The following CNTN3 variants were observed in gnomAD, a reference collection of about 807,000 sequenced individuals.
CNTN3 encodes the protein contactin 3, also known as contactin-3.
Under a neutral mutation model 119.1 loss-of-function variants are expected in CNTN3, and 60 were observed. The ratio of observed to expected loss-of-function variants is 0.50; its 90% CI spans 0.41 to 0.62. The LOEUF is 0.62. Ranked by LOEUF, CNTN3 falls within the 20% of genes least tolerant of loss-of-function variation. The probability of loss-of-function intolerance (pLI) is 0.00; values close to 1 mark genes in which losing one functional copy is unlikely to be tolerated. For synonymous variants in CNTN3, 450 were observed against 438.7 expected, an observed-to-expected ratio of 1.03 and a Z score of -0.32; for missense variants, 1,101 against 1,242.4, an observed-to-expected ratio of 0.89 and a Z score of 1.71.
intron 1 of CNTN3, among the ~76,000 whole-genome samples, chr3:74,568,055 A>G (rs1224021248): frequency 6.6e-6 from 1 of 152,180 alleles, no homozygotes; most frequent in Non-Finnish European, 1.5e-5. Flanking sequence ...ATAGAAAGAA[A>G]TTTCTAAGCA....
intron 5 of CNTN3, among the ~76,000 whole-genome samples, chr3:74,396,746 G>GAAAAAAA (rs61397069): frequency 1.0e-5 from 1 of 98,820 alleles, no homozygotes; most frequent in Admixed American, 1.3e-4. Flanking sequence ...TTCCGCCTCA[G>GAAAAAAA]AAAAAAAAAA....
At chr3:74,539,406 T>C (rs949199210) in intron 1 of CNTN3, among the ~76,000 whole-genome samples, 3 of 152,138 alleles carry the variant, frequency 2.0e-5, no homozygotes, top group Admixed American at 6.6e-5. Context: ...GGAAGTACTA[T>C]GACTATTCCC....
intron 4 of CNTN3, among the ~76,000 whole-genome samples, chr3:74,435,090 T>C (rs1037012339): frequency 2.0e-5 from 3 of 152,218 alleles, no homozygotes; most frequent in Admixed American, 2.0e-4. Context: ...TTTGATCAAG[T>C]TAATTGTTCC....
chr3:74,312,010 G>C (rs183096811), intron 13 of CNTN3, among the ~76,000 whole-genome samples: 1 of 152,246 alleles, frequency 6.6e-6, no homozygotes, highest in Admixed American at 6.5e-5. Flanking sequence ...ATCATAGGGG[G>C]TGCTGCACAC....
At position 74,486,468 on chromosome 3, in the gene CNTN3, G is replaced by C; in HGVS notation, c.346C>G (p.Leu116Val). The C allele has an allele frequency of 6.3e-7, 1 of 1,599,922 alleles. No homozygotes were observed. Among genetic ancestry groups the C allele is most frequent in the South Asian group, 1.1e-5 (1 of 87,638 alleles). ...LGTIVSREAK[L>V]QFAYLENFKT... ...AACATAAACTTACAGGCAAACTGAA[G>C]TTTGGCTTCTCTGCTGACAATTGTT... The change falls in exon 4 of 23, where the codon CTT (leucine) becomes GTT (valine). Residue 116 changes from leucine to valine, a missense_variant. By Grantham distance (32) the Leu-to-Val change is conservative. Coordinates refer to ENST00000263665, the MANE Select transcript of CNTN3 (RefSeq NM_020872.3).
chr3:74,491,683 G>C (rs778632795), intron 3 of CNTN3, among the ~76,000 whole-genome samples: 2 of 152,094 alleles, frequency 1.3e-5, no homozygotes, highest in Non-Finnish European at 2.9e-5. Flanking sequence ...GTAGTAAGCT[G>C]TGACAGGTAA....
chr3:74,560,141 C>T (rs538060894), intron 1 of CNTN3, among the ~76,000 whole-genome samples: 9 of 152,276 alleles, frequency 5.9e-5, no homozygotes, highest in African/African-American at 2.2e-4. Context: ...AGCACACTCA[C>T]TGGCTAGATA....
At chr3:74,489,776 C>T (rs1366372042) in intron 3 of CNTN3, among the ~76,000 whole-genome samples, 1 of 152,134 alleles carries the variant, frequency 6.6e-6, no homozygotes, top group Non-Finnish European at 1.5e-5. Flanking sequence ...TTACCTAACA[C>T]CCCTGAACCT....
At chr3:74,317,867 GA>G (rs1702875422) in intron 13 of CNTN3, among the ~76,000 whole-genome samples, 1 of 152,090 alleles carries the variant, frequency 6.6e-6, no homozygotes, top group African/African-American at 2.4e-5. Flanking sequence ...TGTATTTCCT[GA>G]ATCTGAATGT....
At chr3:74,508,998 T>A (rs1209047880) in intron 2 of CNTN3, among the ~76,000 whole-genome samples, 14 of 152,152 alleles carry the variant, frequency 9.2e-5, no homozygotes, top group Non-Finnish European at 1.5e-4. Context: ...CCTCCTCAAA[T>A]CTACTGAACT....
At chr3:74,467,622 TA>T (rs1702488539) in intron 4 of CNTN3, among the ~76,000 whole-genome samples, 1 of 151,630 alleles carries the variant, frequency 6.6e-6, no homozygotes, top group Admixed American at 6.6e-5. Context: ...ACCACACACA[TA>T]ATAGCGCTTT....
intron 4 of CNTN3, among the ~76,000 whole-genome samples, chr3:74,441,773 C>G (rs1701970252): frequency 6.6e-6 from 1 of 152,084 alleles, no homozygotes; most frequent in Admixed American, 6.6e-5. Flanking sequence ...TGCCAGAAAT[C>G]TCAATACTGG....
chr3:74,423,980 A>C (rs1478831064), intron 5 of CNTN3, among the ~76,000 whole-genome samples: 7 of 152,332 alleles, frequency 4.6e-5, no homozygotes, highest in African/African-American at 1.7e-4. Context: ...TTTTCCTTTG[A>C]ATAAGTTTTA....
chr3:74,337,117 T>C (rs1703414008), intron 11 of CNTN3, among the ~76,000 whole-genome samples: 1 of 152,072 alleles, frequency 6.6e-6, no homozygotes, highest in South Asian at 2.1e-4. Flanking sequence ...TACTATGAAC[T>C]AAGAGAGTCA....
intron 1 of CNTN3, among the ~76,000 whole-genome samples, chr3:74,594,607 C>A (rs1369897121): frequency 1.3e-5 from 2 of 152,092 alleles, no homozygotes; most frequent in Admixed American, 6.6e-5. Context: ...TCATCCATGT[C>A]CCTACAAAGG....
intron 13 of CNTN3, among the ~76,000 whole-genome samples, chr3:74,316,654 C>A (rs886947616): frequency 1.4e-4 from 21 of 151,956 alleles, no homozygotes; most frequent in Non-Finnish European, 2.8e-4. Context: ...ACTCTGCAAC[C>A]ATGAAAAAGA....
intron 4 of CNTN3, among the ~76,000 whole-genome samples, chr3:74,440,319 A>C (rs1002621679): frequency 6.6e-6 from 1 of 152,040 alleles, no homozygotes; most frequent in African/African-American, 2.4e-5. Context: ...CCAATAAGAG[A>C]TCTCACTCTC....
At chr3:74,274,321 C>T (rs775393053) in intron 20 of CNTN3, among the ~76,000 whole-genome samples, 8 of 152,068 alleles carry the variant, frequency 5.3e-5, no homozygotes, top group African/African-American at 9.7e-5. Flanking sequence ...CTCTGGAAAG[C>T]GCCACCTCCC....
Position 74,364,589 on chromosome 3 carries a change from G to A in CNTN3, c.1091C>T (p.Thr364Ile). Residue 364 changes from threonine (T) to isoleucine (I), a missense_variant, in exon 10 of 23, where the codon ACA (threonine) becomes ATA (isoleucine). Thr to Ile is a moderately conservative substitution (Grantham distance 89). Transcript: ENST00000263665. ...NGAALVLEER[T>I]QIENGALTIS... The stretch of plus-strand genomic sequence containing the variant: ...TGTAAGGGCACCATTTTCTATCTGT[G>A]TTCTCTCCTAGATGATAATAAAAAT... 6.2e-7 allele frequency: 1 copy of A among 1,604,642 alleles called. No individual in the cohort carries two copies. Among genetic ancestry groups the A allele is most frequent in the Non-Finnish European group, 8.5e-7 (1 of 1,172,180 alleles).
Sources: allele counts gnomAD v4.1 joint callset (sites outside exome capture counted in the v4.1 genomes callset), GRCh38; gene constraint gnomAD v4.1.1; transcripts MANE v1.5; gene names NCBI Gene and HGNC (gene_info 2026-07-23, HGNC 2026-07-21).